The following EFCAB13 variants were observed in gnomAD, a reference collection of about 807,000 sequenced individuals.
EFCAB13 encodes the protein EF-hand calcium-binding domain-containing protein 13.
In EFCAB13, 91 loss-of-function variants were observed where a neutral mutation model predicts 110.2. The ratio of observed to expected loss-of-function variants is 0.83; its 90% CI spans 0.70 to 0.98. EFCAB13 has a LOEUF of 0.98. EFCAB13 is among the 50% of genes least tolerant of loss of function. EFCAB13 has a pLI of 0.00. For missense variants in EFCAB13, 968 were observed against 1,119.4 expected (o/e 0.86, Z 1.93); for synonymous variants, 323 against 369.9 (o/e 0.87, Z 1.45).
chr17:47,344,871 GA>G, intron 7 of EFCAB13, 144 bp from the exon 8 acceptor site: 4 of 645,044 alleles, frequency 6.2e-6, no homozygotes, highest in Admixed American at 6.1e-5. Context: ...CTTCTGAAGT[GA>G]AGAATATGGA....
At chr17:47,412,973 G>A in intron 22 of EFCAB13, 57 bp downstream of exon 22, 1 of 1,553,774 alleles carries the variant, frequency 6.4e-7, no homozygotes, top group Non-Finnish European at 8.7e-7. Context: ...ATGAAAAATA[G>A]TCTTAGAGTG....
rs559952140 is a variant in EFCAB13 at position 47,439,179 on chromosome 17, T to G, written c.2639-1252T>G. On this transcript the variant is annotated intron_variant, in intron 24 of 24. Transcript: ENST00000331493. ...AGTTTCCTCTTTGTTTTGTTTTTTT[T>G]TTTTTTTTTTTTTTTTAGACAGATT... 7.1e-5 allele frequency among the ~76,000 whole-genome samples: 9 copies of G among 127,424 alleles called. No individual in the cohort carries two copies. The South Asian group carries it at 1.6e-3, about 23-fold the overall frequency. The allele number at this position is 127,424 out of a possible 152,430, so 83.6% of individuals were successfully genotyped here. A position where few individuals can be genotyped will look rare whatever the true frequency, so the allele number is the denominator to read the frequency against.
chr17:47,407,087 A>G, intron 20 of EFCAB13, among the ~76,000 whole-genome samples: 1 of 152,206 alleles, frequency 6.6e-6, no homozygotes, highest in East Asian at 1.9e-4. Context: ...GTTAGCTGAC[A>G]GGAACAAGGG....
At chr17:47,383,016 G>C (rs1360110314) in intron 14 of EFCAB13, among the ~76,000 whole-genome samples, 1 of 152,098 alleles carries the variant, frequency 6.6e-6, no homozygotes, top group Non-Finnish European at 1.5e-5. Flanking sequence ...CCTTGGGAGG[G>C]TGTATGTGTC....
At chr17:47,351,596 A>C (rs1000663166) in intron 9 of EFCAB13, among the ~76,000 whole-genome samples, 1 of 151,998 alleles carries the variant, frequency 6.6e-6, no homozygotes, top group Admixed American at 6.5e-5. Flanking sequence ...AAAAATGTCT[A>C]TTCATGTCAT....
At chr17:47,418,248 G>A (rs1262444851) in intron 23 of EFCAB13, among the ~76,000 whole-genome samples, 1 of 152,134 alleles carries the variant, frequency 6.6e-6, no homozygotes, top group Non-Finnish European at 1.5e-5. Context: ...CAAAACATTA[G>A]AGCTAGCTTA....
chr17:47,370,316 G>C, intron 10 of EFCAB13, 121 bp from the exon 11 acceptor site: 1 of 705,998 alleles, frequency 1.4e-6, no homozygotes, highest in Non-Finnish European at 2.5e-6. Flanking sequence ...TCAAGACTTT[G>C]TAATAGTTGG....
At chr17:47,339,988 G>C (rs533449124) in intron 5 of EFCAB13, 1 of 152,240 alleles carries the variant, frequency 6.6e-6, no homozygotes, top group Admixed American at 6.5e-5. Flanking sequence ...AAGGACTCAA[G>C]AGCCTACTGG....
chr17:47,337,358 G>A (rs987764178), intron 5 of EFCAB13, among the ~76,000 whole-genome samples: 2 of 152,124 alleles, frequency 1.3e-5, no homozygotes, highest in African/African-American at 4.8e-5. Flanking sequence ...TAGACATTGG[G>A]ACTACAAATG....
chr17:47,374,249 C>T (rs1320684110), intron 11 of EFCAB13, among the ~76,000 whole-genome samples: 1 of 152,056 alleles, frequency 6.6e-6, no homozygotes, highest in African/African-American at 2.4e-5. Flanking sequence ...CTTTAAATAG[C>T]TTTGGATGGG....
At chr17:47,374,376 T>A (rs2065601630) in intron 11 of EFCAB13, 96 bp from the exon 12 acceptor site, 2 of 1,096,430 alleles carry the variant, frequency 1.8e-6, no homozygotes, top group South Asian at 2.3e-5. Context: ...AACTGATAAT[T>A]TCTTGAATAG....
chr17:47,359,805 G>C (rs2065501817), intron 9 of EFCAB13, among the ~76,000 whole-genome samples: 1 of 116,892 alleles, frequency 8.6e-6, no homozygotes. Flanking sequence ...TCCCCAGAGT[G>C]TGATGTTCCC....
intron 24 of EFCAB13, 93 bp from the exon 25 acceptor site, chr17:47,440,338 C>T: frequency 7.8e-7 from 1 of 1,288,584 alleles, no homozygotes; most frequent in Non-Finnish European, 1.0e-6. Flanking sequence ...AAGCTTTTAA[C>T]TTCTGTTATA....
intron 17 of EFCAB13, among the ~76,000 whole-genome samples, chr17:47,400,648 T>G (rs2065773777): frequency 6.6e-6 from 1 of 150,650 alleles, no homozygotes; most frequent in South Asian, 2.1e-4. Context: ...CTCCCTCCTT[T>G]GCTTCCCTCC....
chr17:47,378,637 T>C (rs1472860362), intron 13 of EFCAB13, among the ~76,000 whole-genome samples: 1 of 152,136 alleles, frequency 6.6e-6, no homozygotes, highest in Non-Finnish European at 1.5e-5. Flanking sequence ...TGAGCCCTTT[T>C]TGCTGCTTAT....
Position 47,403,870 on chromosome 17 carries a change from A to T in EFCAB13, c.2018-8A>T, listed in dbSNP as rs765533246. On this transcript the variant is annotated splice_region_variant and splice_polypyrimidine_tract_variant and intron_variant, in intron 18 of 24. Transcript: ENST00000331493. ...CTTTTTATTAATTAACTTTTTTTCT[A>T]TTTATAGAGTTACAGGAAGTTGTCT... 1.9e-6 allele frequency: 3 copies of T among 1,583,818 alleles called. No homozygotes were observed. Among genetic ancestry groups the T allele is most frequent in the Non-Finnish European group, 2.6e-6 (3 of 1,170,112 alleles).
chr17:47,325,969 A>G lies in EFCAB13; in HGVS notation c.-247-257A>G, dbSNP rs1000244930. Among the ~76,000 whole-genome samples, 13 of 103,632 alleles carry G rather than the reference A, an allele frequency of 1.3e-4. 1 individual carries two copies. The South Asian group carries it at 4.4e-3, about 35-fold the overall frequency. The allele number at this position is 103,632 out of a possible 152,430, so 68.0% of individuals were successfully genotyped here. ...ATATATATATATATATATAGCATAT[A>G]TATATTTTGTTCATTGGTATATCCC... On this transcript the variant is annotated intron_variant, in intron 2 of 24. Coordinates refer to ENST00000331493, the MANE Select transcript of EFCAB13 (RefSeq NM_152347.5).
intron 24 of EFCAB13, among the ~76,000 whole-genome samples, chr17:47,434,121 C>G (rs192925387): frequency 6.6e-6 from 1 of 152,174 alleles, no homozygotes; most frequent in East Asian, 1.9e-4. Context: ...CAAACTGTCA[C>G]TTTTCATCGA....
At chr17:47,420,673 G>A (rs1249567444) in intron 23 of EFCAB13, among the ~76,000 whole-genome samples, 1 of 151,336 alleles carries the variant, frequency 6.6e-6, no homozygotes, top group Non-Finnish European at 1.5e-5. Context: ...TCTCTGCCCG[G>A]CCGCCCCGTC....
Sources: gnomAD v4.1 joint callset for allele counts (sites outside exome capture counted in the v4.1 genomes callset) on GRCh38, gnomAD v4.1.1 for gene constraint, MANE v1.5 for transcripts, NCBI Gene and HGNC (gene_info 2026-07-23, HGNC 2026-07-21) for gene names.